GNG7: variants seen among roughly 807,000 people sequenced by gnomAD.
GNG7 encodes the protein guanine nucleotide-binding protein G(I)/G(S)/G(O) subunit gamma-7.
In GNG7, 1 loss-of-function variant was observed where a neutral mutation model predicts 4.0. That is an observed-to-expected ratio of 0.25 (90% CI 0.09 to 1.18). The LOEUF (loss-of-function observed/expected upper bound fraction) is 1.18. Among genes scored for constraint, GNG7 ranks in the 50% most tolerant of loss-of-function variants. The pLI, the probability that GNG7 is intolerant of heterozygous loss-of-function variation, is 0.50. For missense variants in GNG7, 86 were observed against 91.9 expected, an observed-to-expected ratio of 0.94 and a Z score of 0.26; for synonymous variants, 34 against 36.9, an observed-to-expected ratio of 0.92 and a Z score of 0.29.
At chr19:2,616,573 T>A (rs1322571508) in intron 2 of GNG7, among the ~76,000 whole-genome samples, 1 of 152,048 alleles carries the variant, frequency 6.6e-6, no homozygotes, top group African/African-American at 2.4e-5. Context: ...GGTCAGGAGT[T>A]TGAGACCAGC....
chr19:2,529,866 G>A (rs924315704), intron 3 of GNG7, among the ~76,000 whole-genome samples: 12 of 152,268 alleles, frequency 7.9e-5, no homozygotes, highest in South Asian at 2.1e-4. Flanking sequence ...ATCCGGGCTC[G>A]CACTCTGGCT....
At chr19:2,601,036 G>A (rs531947485) in intron 2 of GNG7, among the ~76,000 whole-genome samples, 109 of 152,162 alleles carry the variant, frequency 7.2e-4, no homozygotes, top group Non-Finnish European at 1.3e-3. Flanking sequence ...TTGGGAGGCT[G>A]AAGTGGTAGG....
At chr19:2,580,725 C>T (rs896974514) in intron 2 of GNG7, among the ~76,000 whole-genome samples, 1 of 152,048 alleles carries the variant, frequency 6.6e-6, no homozygotes, top group African/African-American at 2.4e-5. Flanking sequence ...CTCAGCCTCC[C>T]AAGTAGCTGG....
chr19:2,528,057 C>T (rs992642132), intron 3 of GNG7, among the ~76,000 whole-genome samples: 7 of 151,246 alleles, frequency 4.6e-5, no homozygotes, highest in Non-Finnish European at 1.0e-4. Context: ...CATTTGAGGT[C>T]AGGAGTTCAA....
intron 2 of GNG7, among the ~76,000 whole-genome samples, chr19:2,638,164 A>G (rs1254382242): frequency 6.6e-6 from 1 of 151,338 alleles, no homozygotes; most frequent in African/African-American, 2.4e-5. Context: ...GGAGTTCAAG[A>G]CCAGCCTGGC....
intron 1 of GNG7, among the ~76,000 whole-genome samples, chr19:2,657,806 C>T (rs555054502): frequency 4.6e-5 from 7 of 152,252 alleles, no homozygotes; most frequent in Admixed American, 6.5e-5. Context: ...ACTGAGGGCA[C>T]GAGCTGCCTG....
chr19:2,523,897 T>C lies in GNG7; in HGVS notation c.-37-3172A>G, dbSNP rs544903513. On this transcript the variant is annotated intron_variant, in intron 3 of 4. Coordinates refer to ENST00000382159, the MANE Select transcript of GNG7 (RefSeq NM_052847.3). ...CCAGCAGACGTCCCACCCCCACTTT[T>C]TGGGGGCAGAGAAGGCCCAATCTGT... Among the ~76,000 whole-genome samples, 11 of 152,206 alleles carry C rather than the reference T, an allele frequency of 7.2e-5. No individual in the cohort carries two copies. In the South Asian group the frequency reaches 1.9e-3, roughly 26 times the overall value.
chr19:2,694,015 G>T (rs1455956336), intron 1 of GNG7, among the ~76,000 whole-genome samples: 1 of 152,042 alleles, frequency 6.6e-6, no homozygotes, highest in Non-Finnish European at 1.5e-5. Flanking sequence ...TAAAATAAAT[G>T]ACTCTGACCT....
intron 1 of GNG7, among the ~76,000 whole-genome samples, chr19:2,682,629 C>T (rs1022935562): frequency 4.3e-5 from 6 of 139,444 alleles, no homozygotes; most frequent in African/African-American, 1.7e-4. Flanking sequence ...GCACTCCAGC[C>T]TGGGCAACAG....
intron 1 of GNG7, among the ~76,000 whole-genome samples, chr19:2,663,668 T>G (rs978288834): frequency 2.0e-5 from 3 of 152,138 alleles, no homozygotes; most frequent in African/African-American, 7.2e-5. Context: ...AAAGCCCAGA[T>G]GGATAAGGTA....
At chr19:2,630,185 A>G (rs1032085020) in intron 2 of GNG7, among the ~76,000 whole-genome samples, 8 of 152,104 alleles carry the variant, frequency 5.3e-5, no homozygotes, top group Non-Finnish European at 8.8e-5. Context: ...AAGGGAGTGA[A>G]GGTCCTGCTG....
intron 1 of GNG7, among the ~76,000 whole-genome samples, chr19:2,673,120 G>C (rs910481907): frequency 3.9e-5 from 6 of 151,916 alleles, no homozygotes; most frequent in Non-Finnish European, 8.8e-5. Flanking sequence ...AGCTGGGCGT[G>C]GCAGCGGGCG....
chr19:2,515,716 G>A (rs916637866), intron 4 of GNG7, among the ~76,000 whole-genome samples: 2 of 151,942 alleles, frequency 1.3e-5, no homozygotes, highest in Non-Finnish European at 1.5e-5. Flanking sequence ...GTGAGCCACT[G>A]CGCCCGGCCG....
rs990559309 is a variant in GNG7, at chr19:2,557,469, C to T, written c.-77-2281G>A. 2.6e-5 allele frequency among the ~76,000 whole-genome samples: 4 copies of T among 152,228 alleles called. No individual in the cohort carries two copies. The highest frequency in any genetic ancestry group is 2.1e-4 in the South Asian group (1 of 4,828). ...ATGCACAGACTCAAGAAACGAGGGG[C>T]TGCAGGACTTTTCCTCCTCCTGCCC... On this transcript the variant is annotated intron_variant, in intron 2 of 4. Coordinates refer to ENST00000382159, the MANE Select transcript of GNG7 (RefSeq NM_052847.3). The surrounding 1 kb of genome is among the most constrained non-coding windows in gnomAD (Gnocchi z 5.1).
chr19:2,681,763 C>G (rs1375150460), intron 1 of GNG7, among the ~76,000 whole-genome samples: 1 of 152,178 alleles, frequency 6.6e-6, no homozygotes, highest in Non-Finnish European at 1.5e-5. Flanking sequence ...CTCTACCTCC[C>G]CGTGAGCCCT....
intron 4 of GNG7, among the ~76,000 whole-genome samples, chr19:2,515,353 G>A (rs1599368036): frequency 6.6e-6 from 1 of 152,286 alleles, no homozygotes. Flanking sequence ...AGGCCACAAC[G>A]TGGATGCATC....
At chr19:2,688,848 T>C (rs1218365764) in intron 1 of GNG7, among the ~76,000 whole-genome samples, 1 of 152,034 alleles carries the variant, frequency 6.6e-6, no homozygotes, top group Non-Finnish European at 1.5e-5. Flanking sequence ...GCAGGATCAC[T>C]TGTGTTCAGG....
In GNG7 at chr19:2,633,493, A is replaced by ACACGCACACACGCG. The variant is rs1555698933; in HGVS notation, c.-78+12730_-78+12731insCGCGTGTGTGCGTG. On this transcript the variant is annotated intron_variant, in intron 2 of 4. Transcript: ENST00000382159. The surrounding 1 kb of genome is among the most constrained non-coding windows in gnomAD (Gnocchi z 5.9). ...CAGGCGCGCGCGCGCGCGCGCACAC[A>ACACGCACACACGCG]CACACACACACACACACACACACAC... Among the ~76,000 whole-genome samples, 2 of 115,124 alleles carry ACACGCACACACGCG rather than the reference A, an allele frequency of 1.7e-5. No homozygotes were observed. The highest frequency in any genetic ancestry group is 6.4e-5 in the African/African-American group (2 of 31,482). 75.5% of individuals were successfully genotyped at this position (115,124 alleles called of 152,430 possible). A position where few individuals can be genotyped will look rare whatever the true frequency, so the allele number is the denominator to read the frequency against.
At chr19:2,649,195 C>T (rs1271209021) in intron 1 of GNG7, among the ~76,000 whole-genome samples, 1 of 151,978 alleles carries the variant, frequency 6.6e-6, no homozygotes, top group Non-Finnish European at 1.5e-5. Flanking sequence ...CCACCTTGTC[C>T]TCTGAAAGGG....
Sources: allele counts gnomAD v4.1 joint callset (sites outside exome capture counted in the v4.1 genomes callset), GRCh38; gene constraint gnomAD v4.1.1; non-coding constraint Gnocchi (gnomAD v3.1); transcripts MANE v1.5; gene names NCBI Gene and HGNC (gene_info 2026-07-23, HGNC 2026-07-21).